The following NFIA variants were observed in gnomAD, a reference collection of about 807,000 sequenced individuals.
The protein encoded by NFIA is nuclear factor 1 A-type.
NFIA carries 8 observed loss-of-function variants against 62.8 expected under a neutral mutation model. That is an observed-to-expected ratio of 0.13 (90% CI 0.07 to 0.23). The LOEUF (loss-of-function observed/expected upper bound fraction) is 0.23. Ranked by LOEUF, NFIA falls within the 10% of genes least tolerant of loss-of-function variation. NFIA has a pLI of 1.00. For synonymous variants in NFIA, 235 were observed against 238.1 expected (o/e 0.99, Z 0.12); for missense variants, 410 against 642.1 (o/e 0.64, Z 3.91).
chr1:61,098,436 C>G (rs1211198749), intron 2 of NFIA, among the ~76,000 whole-genome samples: 1 of 152,178 alleles, frequency 6.6e-6, no homozygotes, highest in Non-Finnish European at 1.5e-5. Context: ...TACTAAGTTA[C>G]TAAAGTTTCT....
intron 2 of NFIA, among the ~76,000 whole-genome samples, chr1:61,163,023 G>A (rs2100538772): frequency 6.6e-6 from 1 of 152,262 alleles, no homozygotes; most frequent in East Asian, 1.9e-4. Flanking sequence ...CTGCTAATGT[G>A]TGGAGCTTTG....
intron 4 of NFIA, among the ~76,000 whole-genome samples, chr1:61,345,774 C>T (rs1053146201): frequency 6.6e-6 from 1 of 152,206 alleles, no homozygotes; most frequent in Non-Finnish European, 1.5e-5. Flanking sequence ...CCCCCCTACT[C>T]TGATTCATGG....
chr1:61,362,520 A>G (rs935142545), intron 6 of NFIA, among the ~76,000 whole-genome samples: 2 of 152,208 alleles, frequency 1.3e-5, no homozygotes, highest in African/African-American at 4.8e-5. Context: ...TTGCCAGAAG[A>G]GACAAATTTC....
intron 10 of NFIA, among the ~76,000 whole-genome samples, chr1:61,433,206 A>T (rs907049789): frequency 2.6e-5 from 4 of 152,142 alleles, no homozygotes; most frequent in African/African-American, 4.8e-5. Context: ...CGTTCTTCTG[A>T]AGATCTGCCC....
At position 61,460,482 on chromosome 1, in the gene NFIA, T is replaced by C. The variant is rs1668486067; in HGVS notation, c.*5162T>C. 6.6e-6 allele frequency: 1 copy of C among 152,242 alleles called. No homozygotes were observed. The highest frequency in any genetic ancestry group is 2.1e-4 in the South Asian group (1 of 4,828). 9.4% of individuals were successfully genotyped at this position (152,242 alleles called of 1,614,324 possible). A position where few individuals can be genotyped will look rare whatever the true frequency, so the allele number is the denominator to read the frequency against. On this transcript the variant is annotated 3_prime_UTR_variant, in exon 11 of 11. Transcript: ENST00000403491. ...AACTTGGGCTCAATTCACTCTGCTT[T>C]CCAACAGTGTAAATGCATAGCAGTG... is the stretch of plus-strand genomic sequence containing the variant.
intron 1 of NFIA, among the ~76,000 whole-genome samples, chr1:61,084,763 C>T (rs1646188659): frequency 6.6e-6 from 1 of 152,002 alleles, no homozygotes; most frequent in African/African-American, 2.4e-5. Flanking sequence ...ATGAGGGCAC[C>T]TGTATATCCA....
intron 2 of NFIA, among the ~76,000 whole-genome samples, chr1:61,243,551 GTTT>G (rs578187725): frequency 6.6e-6 from 1 of 151,620 alleles, no homozygotes; most frequent in African/African-American, 2.4e-5. Flanking sequence ...CAATTTTGTT[GTTT>G]TTTTTCTATT....
At chr1:61,152,066 G>T (rs1440690713) in intron 2 of NFIA, among the ~76,000 whole-genome samples, 1 of 151,934 alleles carries the variant, frequency 6.6e-6, no homozygotes, top group African/African-American at 2.4e-5. Flanking sequence ...ATTCCATATG[G>T]CCCCTTAGGT....
Position 61,130,092 on chromosome 1 carries a change from A to G in NFIA, c.559+41412A>G, listed in dbSNP as rs548363092. 7.2e-5 allele frequency among the ~76,000 whole-genome samples: 11 copies of G among 152,274 alleles called. No individual in the cohort carries two copies. The East Asian group carries it at 1.7e-3, about 24-fold the overall frequency. ...AATGTCAGTGATTGCTTCAAGCATG[A>G]TAGTCTTACCAGCCTACACTCTAAG... On this transcript the variant is annotated intron_variant, in intron 2 of 10. Transcript: ENST00000403491.
At chr1:61,417,557 G>A (rs1666409313) in intron 9 of NFIA, among the ~76,000 whole-genome samples, 1 of 151,732 alleles carries the variant, frequency 6.6e-6, no homozygotes, top group African/African-American at 2.4e-5. Context: ...CAAACAGTAT[G>A]AACATTCCTC....
intron 2 of NFIA, among the ~76,000 whole-genome samples, chr1:61,089,336 T>C (rs1646276051): frequency 6.6e-6 from 1 of 152,226 alleles, no homozygotes; most frequent in Admixed American, 6.5e-5. Context: ...GAAAAATTGC[T>C]ATTGATAATT....
intron 10 of NFIA, among the ~76,000 whole-genome samples, chr1:61,442,125 G>A (rs1474206899): frequency 6.6e-6 from 1 of 152,104 alleles, no homozygotes; most frequent in African/African-American, 2.4e-5. Context: ...AAGCAGGCAC[G>A]GAATGAAGCC....
At chr1:61,204,368 G>A (rs1011435471) in intron 2 of NFIA, among the ~76,000 whole-genome samples, 1 of 152,220 alleles carries the variant, frequency 6.6e-6, no homozygotes, top group African/African-American at 2.4e-5. Context: ...CTGGGCCACA[G>A]AACTTTCTAT....
intron 6 of NFIA, among the ~76,000 whole-genome samples, chr1:61,380,195 C>T (rs1664348065): frequency 6.6e-6 from 1 of 152,108 alleles, no homozygotes; most frequent in Admixed American, 6.5e-5. Context: ...GGATGAAATG[C>T]CCCATTGAAA....
intron 2 of NFIA, among the ~76,000 whole-genome samples, chr1:61,146,733 C>G (rs1033360645): frequency 6.6e-6 from 1 of 152,206 alleles, no homozygotes; most frequent in African/African-American, 2.4e-5. Context: ...CCTCCACCCC[C>G]ACATGGTGTG....
At position 61,375,843 on chromosome 1, in the gene NFIA, C is replaced by G. The variant is rs142085343; in HGVS notation, c.947-7394C>G. Among the ~76,000 whole-genome samples, 825 of 152,256 alleles carry G rather than the reference C, an allele frequency of 5.4e-3. 9 individuals are homozygous for G. Among genetic ancestry groups the G allele is most frequent in the African/African-American group, 0.019 (782 of 41,538 alleles). On this transcript the variant is annotated intron_variant, in intron 6 of 10. Coordinates refer to ENST00000403491, the MANE Select transcript of NFIA (RefSeq NM_001134673.4). The stretch of plus-strand genomic sequence containing the variant: ...ATTTTTCTGCTCTCCTGTGCAGATT[C>G]CTCCTTCGTTTCATGGAAGTTGACT...
intron 2 of NFIA, among the ~76,000 whole-genome samples, chr1:61,260,840 G>A (rs1378872957): frequency 1.3e-5 from 2 of 152,244 alleles, no homozygotes; most frequent in Non-Finnish European, 1.5e-5. Context: ...TCGGCCTCCC[G>A]AGGTGCTGGG....
intron 9 of NFIA, among the ~76,000 whole-genome samples, chr1:61,421,804 T>G (rs1292744328): frequency 1.3e-5 from 2 of 152,164 alleles, no homozygotes; most frequent in Non-Finnish European, 2.9e-5. Context: ...CTGGCTAAAT[T>G]TTCTCCCTTT....
intron 2 of NFIA, among the ~76,000 whole-genome samples, chr1:61,090,207 A>G (rs1409018629): frequency 1.3e-5 from 2 of 152,238 alleles, no homozygotes; most frequent in East Asian, 1.9e-4. Flanking sequence ...TGCATATGTT[A>G]AGCACAGCAA....
Sources: allele counts gnomAD v4.1 joint callset (sites outside exome capture counted in the v4.1 genomes callset), GRCh38; gene constraint gnomAD v4.1.1; transcripts MANE v1.5; gene names NCBI Gene and HGNC (gene_info 2026-07-23, HGNC 2026-07-21).